Variants in ARHGEF12 observed in about 807,000 individuals in gnomAD.
ARHGEF12 encodes Rho guanine nucleotide exchange factor 12.
Under a neutral mutation model 211.2 loss-of-function variants are expected in ARHGEF12, and 66 were observed. That is an observed-to-expected ratio of 0.31 (90% CI 0.26 to 0.38). ARHGEF12 has a LOEUF of 0.38. Ranked by LOEUF, ARHGEF12 falls within the 10% of genes least tolerant of loss-of-function variation. ARHGEF12 has a pLI of 1.00. For synonymous variants in ARHGEF12, 592 were observed against 638.4 expected, an observed-to-expected ratio of 0.93 and a Z score of 1.09; for missense variants, 1,429 against 1,869.5, an observed-to-expected ratio of 0.76 and a Z score of 4.34.
chr11:120,344,982 A>G, intron 1 of ARHGEF12, among the ~76,000 whole-genome samples: 2 of 152,176 alleles, frequency 1.3e-5, no homozygotes, highest in Middle Eastern at 3.4e-3. Context: ...ATGCTCCTTT[A>G]TGATTTTACC....
Position 120,457,740 on chromosome 11 carries a change from C to G in ARHGEF12, c.2209C>G (p.Pro737Ala). The G allele has an allele frequency of 6.2e-7, 1 of 1,608,832 alleles. No individual in the cohort carries two copies. Among genetic ancestry groups the G allele is most frequent in the Non-Finnish European group, 8.5e-7 (1 of 1,177,732 alleles). Reference protein sequence around the residue: ...EVERVTEHGTPKPFRKFDSVA... With the variant: ...EVERVTEHGTAKPFRKFDSVA... ...TTTTAGGGTGACTGAACATGGGACACCAAAGCCCTTTCGAAAGTAAGTAAA... is the reference window on the plus strand; with the variant it reads ...TTTTAGGGTGACTGAACATGGGACAGCAAAGCCCTTTCGAAAGTAAGTAAA... The change falls in exon 24 of 41, where the codon CCA (proline) becomes GCA (alanine). Residue 737 changes from proline to alanine, a missense_variant. Pro to Ala is a conservative substitution (Grantham distance 27). Around this residue, in one of 7 missense-constraint regions of ARHGEF12, gnomAD observed 373 missense variants for 467.5 expected, o/e 0.80. Coordinates refer to ENST00000397843, the MANE Select transcript of ARHGEF12 (RefSeq NM_015313.3).
At chr11:120,383,566 A>G (rs1290203182) in intron 1 of ARHGEF12, among the ~76,000 whole-genome samples, 2 of 152,154 alleles carry the variant, frequency 1.3e-5, no homozygotes, top group Non-Finnish European at 1.5e-5. Context: ...GATTTTCATA[A>G]GGAGTGTGCA....
rs547774185 is a variant in ARHGEF12, at chr11:120,369,768, G to A, written c.32+32493G>A. On this transcript the variant is annotated intron_variant, in intron 1 of 40. Coordinates refer to ENST00000397843, the MANE Select transcript of ARHGEF12 (RefSeq NM_015313.3). ...TCTGATTTTAAAATTTTCTTTTTTCGTCTTATACTTGGAATATTTCACAAT... is the reference window on the plus strand; with the variant it reads ...TCTGATTTTAAAATTTTCTTTTTTCATCTTATACTTGGAATATTTCACAAT... Among the ~76,000 whole-genome samples, 8 of 152,070 alleles carry A rather than the reference G, an allele frequency of 5.3e-5. No homozygotes were observed. In the East Asian group the frequency reaches 1.2e-3, roughly 22 times the overall value.
At chr11:120,443,400 C>CT (rs1399083355) in intron 15 of ARHGEF12, among the ~76,000 whole-genome samples, 3 of 152,152 alleles carry the variant, frequency 2.0e-5, no homozygotes, top group Admixed American at 2.0e-4. Flanking sequence ...AGATCTTACT[C>CT]TAACAATTAT....
chr11:120,337,563 G>T, intron 1 of ARHGEF12: 1 of 985,388 alleles, frequency 1.0e-6, no homozygotes, highest in Non-Finnish European at 1.2e-6. Context: ...TTGTGTACTC[G>T]TCTGGAAATC....
At chr11:120,482,871 A>G (rs1329984117) in intron 39 of ARHGEF12, among the ~76,000 whole-genome samples, 2 of 152,182 alleles carry the variant, frequency 1.3e-5, no homozygotes, top group African/African-American at 2.4e-5. Flanking sequence ...TGAGTTAAAG[A>G]CTGGTCTCCC....
intron 1 of ARHGEF12, among the ~76,000 whole-genome samples, chr11:120,405,752 T>C (rs929967219): frequency 2.6e-5 from 4 of 152,228 alleles, no homozygotes; most frequent in East Asian, 3.8e-4. Context: ...ATGGAAAGTA[T>C]ATCTCTTCAT....
At position 120,381,027 on chromosome 11, in the gene ARHGEF12, T is replaced by C. The variant is rs146482473; in HGVS notation, c.33-25091T>C. Reference sequence around the variant, plus strand: ...ACTAGAAGATGCTCCAGGCTCATCTTGTATTTTCTTTGCATCAGCTGTAGA... The same window carrying C: ...ACTAGAAGATGCTCCAGGCTCATCTCGTATTTTCTTTGCATCAGCTGTAGA... On this transcript the variant is annotated intron_variant, in intron 1 of 40. Coordinates refer to ENST00000397843, the MANE Select transcript of ARHGEF12 (RefSeq NM_015313.3). 2.7e-3 allele frequency among the ~76,000 whole-genome samples: 413 copies of C among 152,318 alleles called. 7 individuals carry two copies. The highest frequency in any genetic ancestry group is 0.02 in the Admixed American group (306 of 15,304).
At chr11:120,343,366 C>T (rs919785080) in intron 1 of ARHGEF12, among the ~76,000 whole-genome samples, 8 of 152,138 alleles carry the variant, frequency 5.3e-5, no homozygotes, top group Non-Finnish European at 8.8e-5. Context: ...ACTTTTTCAA[C>T]TTAGAATATC....
Position 120,479,983 on chromosome 11 carries a change from G to T in ARHGEF12, c.3790G>T (p.Val1264Leu), listed in dbSNP as rs775102720. The change falls in exon 38 of 41, where the codon GTG (valine) becomes TTG (leucine). Residue 1264 changes from valine to leucine, a missense_variant. Physicochemically the swap from Val to Leu is conservative, Grantham distance 32. Transcript: ENST00000397843. ...AGTGGGTTTGTTGAAGCAGTTGCTG[G>T]TGCAACAGCTAGGTTTGACTGAGAA... ...RNLGLLKQLL[V>L]QQLGLTEKSV... The T allele has an allele frequency of 6.2e-7, 1 of 1,612,786 alleles. No individual in the cohort carries two copies. Among genetic ancestry groups the T allele is most frequent in the East Asian group, 2.2e-5 (1 of 44,826 alleles).
At chr11:120,390,229 TC>T (rs1944170278) in intron 1 of ARHGEF12, among the ~76,000 whole-genome samples, 1 of 152,198 alleles carries the variant, frequency 6.6e-6, no homozygotes, top group Admixed American at 6.6e-5. Context: ...CTACCAGACT[TC>T]CTTGGTATCA....
Position 120,420,830 on chromosome 11 carries a change from T to C in ARHGEF12, c.277T>C (p.Phe93Leu). The stretch of plus-strand genomic sequence containing the variant: ...GACGGTCAGTGGAGACAATCCAGTC[T>C]TCGTACAGTCTGTCAAAGAAGGCAA... The part of the protein sequence containing the change: ...GLTVSGDNPV[F>L]VQSVKEDGAA... Residue 93 changes from phenylalanine (F) to leucine (L), a missense_variant, in exon 5 of 41, where the codon TTC (phenylalanine) becomes CTC (leucine). Phe to Leu is a conservative substitution (Grantham distance 22). Coordinates refer to ENST00000397843, the MANE Select transcript of ARHGEF12 (RefSeq NM_015313.3). The C allele has an allele frequency of 6.2e-7, 1 of 1,614,068 alleles. No homozygotes were observed. The highest frequency in any genetic ancestry group is 8.5e-7 in the Non-Finnish European group (1 of 1,179,954).
intron 1 of ARHGEF12, among the ~76,000 whole-genome samples, chr11:120,339,005 C>CTTTTTTTTTTTTTT (rs906260027): frequency 4.9e-5 from 6 of 121,994 alleles, no homozygotes; most frequent in Admixed American, 8.8e-5. Flanking sequence ...TTTTCTTTTT[C>CTTTTTTTTTTTTTT]TTTTTTTTTT....
rs766626661 is a variant in ARHGEF12, at chr11:120,446,365, C to T, written c.1346-38C>T. On this transcript the variant is annotated intron_variant, in intron 16 of 40. Transcript: ENST00000397843. ...GTTGCCAATTGTATGTTGCCCAGAA[C>T]ATACCTTTAGATAACATAATTCCTT... 5 of 1,526,588 alleles carry T rather than the reference C, an allele frequency of 3.3e-6. No homozygotes were observed. The African/African-American group carries it at 4.1e-5, about 13-fold the overall frequency. 94.6% of individuals were successfully genotyped at this position (1,526,588 alleles called of 1,614,324 possible). A position where few individuals can be genotyped will look rare whatever the true frequency, so the allele number is the denominator to read the frequency against.
chr11:120,336,674 C>T lies in ARHGEF12; in HGVS notation c.-570C>T, dbSNP rs552797576. 9.9e-5 allele frequency among the ~76,000 whole-genome samples: 15 copies of T among 152,204 alleles called. No homozygotes were observed. Among genetic ancestry groups the T allele is most frequent in the African/African-American group, 3.4e-4 (14 of 41,566 alleles). The stretch of plus-strand genomic sequence containing the variant: ...AGCGGCTCGTCCCAGCACCGGGAGC[C>T]TGGTGAGGGCGGCGAGCACAGAAGG... On this transcript the variant is annotated 5_prime_UTR_variant, in exon 1 of 41. Transcript: ENST00000397843.
chr11:120,425,526 A>G (rs1167384568), intron 7 of ARHGEF12, among the ~76,000 whole-genome samples: 1 of 151,592 alleles, frequency 6.6e-6, no homozygotes, highest in African/African-American at 2.4e-5. Context: ...GGCTGCTGTC[A>G]AACTCCTGGG....
At chr11:120,480,514 T>G (rs1947202800) in intron 38 of ARHGEF12, 84 bp downstream of exon 38, 1 of 1,316,536 alleles carries the variant, frequency 7.6e-7, no homozygotes, top group Non-Finnish European at 1.0e-6. Context: ...GTTGTATTGG[T>G]ATCCAGGTGT....
At chr11:120,441,514 A>G (rs1448816027) in intron 13 of ARHGEF12, among the ~76,000 whole-genome samples, 193 bp from the exon 14 acceptor site, 1 of 152,138 alleles carries the variant, frequency 6.6e-6, no homozygotes, top group East Asian at 1.9e-4. Context: ...ACCTATCCCC[A>G]AGAGGTGGTT....
intron 1 of ARHGEF12, among the ~76,000 whole-genome samples, chr11:120,343,677 C>G (rs544677895): frequency 4.6e-5 from 7 of 152,320 alleles, no homozygotes; most frequent in African/African-American, 1.4e-4. Context: ...ACAAGCAAAT[C>G]TACTGGCCAA....
Sources: allele counts gnomAD v4.1 joint callset (sites outside exome capture counted in the v4.1 genomes callset), GRCh38; gene constraint gnomAD v4.1.1; regional missense constraint gnomAD v4.1.1; transcripts MANE v1.5; gene names NCBI Gene and HGNC (gene_info 2026-07-23, HGNC 2026-07-21).